Variants in DCLK2 observed in about 807,000 individuals in gnomAD.
DCLK2 encodes serine/threonine-protein kinase DCLK2.
A neutral mutation model predicts 78.4 loss-of-function variants in DCLK2; 31 were observed. The observed-to-expected ratio is 0.40, with a 90% confidence interval of 0.30 to 0.53. The LOEUF (loss-of-function observed/expected upper bound fraction) is 0.53. Ranked by LOEUF, DCLK2 falls within the 20% of genes least tolerant of loss-of-function variation. The pLI is 0.61. For missense variants in DCLK2, 872 were observed against 973.7 expected (o/e 0.90, Z 1.39); for synonymous variants, 407 against 374.9 (o/e 1.09, Z -0.99).
intron 2 of DCLK2, among the ~76,000 whole-genome samples, chr4:150,105,632 A>G (rs894120189): frequency 3.3e-5 from 5 of 152,058 alleles, no homozygotes; most frequent in African/African-American, 7.2e-5. Context: ...TTTATCCTAA[A>G]TGACCTGACA....
chr4:150,110,841 T>G (rs1055322905), intron 2 of DCLK2, among the ~76,000 whole-genome samples: 2 of 152,218 alleles, frequency 1.3e-5, no homozygotes, highest in South Asian at 4.1e-4. Flanking sequence ...CTGAGTAGTA[T>G]TCCATGGTGT....
chr4:150,163,398 A>C (rs973575568), intron 2 of DCLK2, among the ~76,000 whole-genome samples: 7 of 150,592 alleles, frequency 4.6e-5, no homozygotes, highest in African/African-American at 1.7e-4. Context: ...ACTCCGTCTC[A>C]AAATAAATAA....
chr4:150,098,861 AATTTTTAT>A (rs1730670374), intron 1 of DCLK2, among the ~76,000 whole-genome samples: 1 of 151,722 alleles, frequency 6.6e-6, no homozygotes, highest in African/African-American at 2.4e-5. Context: ...ACACCCGGCT[AATTTTTAT>A]ATTTTTAGCA....
Position 150,079,063 on chromosome 4 carries a change from T to A in DCLK2, c.36T>A (p.Phe12Leu). 6.4e-7 allele frequency: 1 copy of A among 1,555,400 alleles called. No individual in the cohort carries two copies. The highest frequency in any genetic ancestry group is 2.3e-5 in the East Asian group (1 of 44,444). The change falls in exon 1 of 16, where the codon TTT becomes TTA. Residue 12 changes from phenylalanine to leucine, a missense_variant. By Grantham distance (22) the Phe-to-Leu change is conservative. This residue lies in a region of DCLK2 where 567 missense variants were observed against 593.4 expected (regional missense o/e 0.96). Coordinates refer to ENST00000296550, the MANE Select transcript of DCLK2 (RefSeq NM_001040260.4). ...CCAGGAGTATCGAGCTGGAGCACTT[T>A]GAGGAACGGGACAAAAGGCCGCGGC... ...ASTRSIELEH[F>L]EERDKRPRPG...
At chr4:150,248,270 C>G in intron 13 of DCLK2, 35 bp from the exon 14 acceptor site, 2 of 1,578,624 alleles carry the variant, frequency 1.3e-6, no homozygotes, top group Non-Finnish European at 1.7e-6. Flanking sequence ...CTCCTTTCTC[C>G]TCCTCTGTGG....
intron 5 of DCLK2, among the ~76,000 whole-genome samples, chr4:150,210,904 C>A (rs368526764): frequency 6.9e-6 from 1 of 145,918 alleles, no homozygotes; most frequent in Non-Finnish European, 1.5e-5. Context: ...GCGGAGATTG[C>A]GCCATTGCAC....
At chr4:150,254,482 C>T (rs1427622521) in intron 15 of DCLK2, 4 of 398,700 alleles carry the variant, frequency 1.0e-5, no homozygotes, top group Non-Finnish European at 1.8e-5. Context: ...GCCACACACG[C>T]CCCTGTGCTT....
intron 2 of DCLK2, among the ~76,000 whole-genome samples, chr4:150,168,855 T>A (rs1230229970): frequency 6.6e-6 from 1 of 152,216 alleles, no homozygotes; most frequent in Non-Finnish European, 1.5e-5. Flanking sequence ...GTTGAGCTGG[T>A]TACCAAGCCA....
intron 1 of DCLK2, among the ~76,000 whole-genome samples, chr4:150,098,194 G>A (rs940035788): frequency 6.6e-6 from 1 of 152,096 alleles, no homozygotes; most frequent in Non-Finnish European, 1.5e-5. Context: ...GTTATAGGGA[G>A]GGCAGACTAG....
intron 2 of DCLK2, among the ~76,000 whole-genome samples, chr4:150,169,850 A>G (rs1736382631): frequency 6.6e-6 from 1 of 152,202 alleles, no homozygotes; most frequent in African/African-American, 2.4e-5. Context: ...AAAAGTATAC[A>G]GTACACCTAA....
rs557293514 is a variant in DCLK2 at position 150,079,168 on chromosome 4, T to G, written c.141T>G (p.Ser47Arg). Residue 47 changes from serine to arginine, a missense_variant, in exon 1 of 16, where the codon AGT (serine) becomes AGG (arginine). Physicochemically the swap from Ser to Arg is moderately radical, Grantham distance 110. Transcript: ENST00000296550. ...CCAAGGGGAACGGGCTCATCCCCAG[T>G]CCGGCGCACAGTGCCCACTGCAGCT... Reference protein sequence around the residue: ...SGPKGNGLIPSPAHSAHCSFY... With the variant: ...SGPKGNGLIPRPAHSAHCSFY... 1.9e-6 allele frequency: 3 copies of G among 1,608,448 alleles called. No individual in the cohort carries two copies. Among genetic ancestry groups the G allele is most frequent in the South Asian group, 1.1e-5 (1 of 90,070 alleles).
intron 12 of DCLK2, 89 bp downstream of exon 12, chr4:150,240,565 G>A: frequency 1.4e-6 from 1 of 705,228 alleles, no homozygotes; most frequent in East Asian, 7.1e-5. Context: ...AGTCGGGACT[G>A]TTTGGTCATT....
At chr4:150,120,566 T>G (rs1215233417) in intron 2 of DCLK2, among the ~76,000 whole-genome samples, 1 of 152,200 alleles carries the variant, frequency 6.6e-6, no homozygotes, top group African/African-American at 2.4e-5. Context: ...ACAAGCATAC[T>G]TCAAAGATAT....
chr4:150,253,541 C>G lies in DCLK2; in HGVS notation c.2074-2479C>G, dbSNP rs530394102. On this transcript the variant is annotated intron_variant, in intron 15 of 15. Coordinates refer to ENST00000296550, the MANE Select transcript of DCLK2 (RefSeq NM_001040260.4). The stretch of plus-strand genomic sequence containing the variant: ...TACCCCGCTGAGACAGTGGGAGAGC[C>G]TGAAGCAGAATCCTGGTATTCACCA... 4.6e-4 allele frequency: 598 copies of G among 1,289,652 alleles called. 1 individual carries two copies. The highest frequency in any genetic ancestry group is 5.6e-4 in the Non-Finnish European group (552 of 988,852). 79.9% of individuals were successfully genotyped at this position (1,289,652 alleles called of 1,614,324 possible).
intron 1 of DCLK2, among the ~76,000 whole-genome samples, chr4:150,097,867 C>T (rs1338055076): frequency 6.6e-6 from 1 of 151,890 alleles, no homozygotes; most frequent in Non-Finnish European, 1.5e-5. Flanking sequence ...GTTTTATGGC[C>T]AAAGAACTTG....
intron 3 of DCLK2, among the ~76,000 whole-genome samples, chr4:150,195,740 T>C (rs1252025672): frequency 6.6e-6 from 1 of 151,414 alleles, no homozygotes; most frequent in Non-Finnish European, 1.5e-5. Flanking sequence ...TGGTAGTTTT[T>C]GTTGATGGTG....
chr4:150,103,970 T>G (rs1469248454), intron 2 of DCLK2, among the ~76,000 whole-genome samples: 2 of 152,012 alleles, frequency 1.3e-5, no homozygotes, highest in Non-Finnish European at 2.9e-5. Flanking sequence ...ACCTTAAGAT[T>G]TACTCTGCAA....
intron 1 of DCLK2, among the ~76,000 whole-genome samples, chr4:150,095,842 G>A (rs2150144968): frequency 6.6e-6 from 1 of 152,308 alleles, no homozygotes. Flanking sequence ...GGAGAGAGGA[G>A]GAAGGTTATT....
chr4:150,139,334 A>AAAAT (rs774903817), intron 2 of DCLK2, among the ~76,000 whole-genome samples: 9 of 152,238 alleles, frequency 5.9e-5, no homozygotes, highest in Non-Finnish European at 1.0e-4. Flanking sequence ...CAAAATGATC[A>AAAAT]CGTCTGAAGT....
Sources: allele counts gnomAD v4.1 joint callset (sites outside exome capture counted in the v4.1 genomes callset), GRCh38; gene constraint gnomAD v4.1.1; regional missense constraint gnomAD v4.1.1; transcripts MANE v1.5; gene names NCBI Gene and HGNC (gene_info 2026-07-23, HGNC 2026-07-21).